CPNE4: variants seen among roughly 807,000 people sequenced by gnomAD.
The protein encoded by CPNE4 is copine 4.
Under a neutral mutation model 67.9 loss-of-function variants are expected in CPNE4, and 25 were observed. The observed-to-expected ratio is 0.37, with a 90% confidence interval of 0.27 to 0.51. The LOEUF is 0.51. Ranked by LOEUF, CPNE4 falls within the 20% of genes least tolerant of loss-of-function variation. The probability of loss-of-function intolerance (pLI) is 0.93; values close to 1 mark genes in which losing one functional copy is unlikely to be tolerated. For missense variants in CPNE4, 464 were observed against 690.8 expected (o/e 0.67, Z 3.68); for synonymous variants, 242 against 244.9 (o/e 0.99, Z 0.11).
At chr3:131,864,296 C>T (rs2086834394) in intron 2 of CPNE4, among the ~76,000 whole-genome samples, 1 of 151,900 alleles carries the variant, frequency 6.6e-6, no homozygotes, top group Non-Finnish European at 1.5e-5. Context: ...TTACCTTAGG[C>T]AGTATGGCCA....
At chr3:131,654,435 TC>T (rs1481835055) in intron 7 of CPNE4, among the ~76,000 whole-genome samples, 1 of 152,124 alleles carries the variant, frequency 6.6e-6, no homozygotes, top group African/African-American at 2.4e-5. Context: ...CGTCTGTTGT[TC>T]CCCTCTTTGT....
At chr3:131,628,237 A>G (rs1310963827) in intron 7 of CPNE4, among the ~76,000 whole-genome samples, 1 of 152,194 alleles carries the variant, frequency 6.6e-6, no homozygotes, top group Non-Finnish European at 1.5e-5. Flanking sequence ...CCATATTCAC[A>G]CTGCTGATGA....
At chr3:131,830,385 T>A (rs1267545105) in intron 2 of CPNE4, among the ~76,000 whole-genome samples, 3 of 152,152 alleles carry the variant, frequency 2.0e-5, no homozygotes, top group Admixed American at 2.0e-4. Context: ...ACAGGGTGAA[T>A]CTTTTAAAAG....
At chr3:131,661,079 A>G (rs1444542193) in intron 7 of CPNE4, among the ~76,000 whole-genome samples, 2 of 152,346 alleles carry the variant, frequency 1.3e-5, no homozygotes, top group South Asian at 2.1e-4. Flanking sequence ...TTTGATTGTT[A>G]TGTGAGCAAG....
intron 2 of CPNE4, among the ~76,000 whole-genome samples, chr3:131,882,244 T>A (rs1250584503): frequency 6.6e-6 from 1 of 152,088 alleles, no homozygotes; most frequent in Non-Finnish European, 1.5e-5. Context: ...ATTTTATATG[T>A]GTCATATTAT....
intron 7 of CPNE4, among the ~76,000 whole-genome samples, chr3:131,637,690 C>T (rs2079429871): frequency 6.6e-6 from 1 of 152,056 alleles, no homozygotes; most frequent in African/African-American, 2.4e-5. Context: ...AAACTCAACA[C>T]CTGGGAAATT....
intron 2 of CPNE4, among the ~76,000 whole-genome samples, chr3:131,851,756 GCTT>G (rs1198364705): frequency 6.6e-6 from 1 of 151,992 alleles, no homozygotes; most frequent in African/African-American, 2.4e-5. Flanking sequence ...TCTATTCCTG[GCTT>G]TCCCTCAATT....
chr3:132,013,627 C>T (rs1471962285), intron 1 of CPNE4, among the ~76,000 whole-genome samples: 4 of 152,350 alleles, frequency 2.6e-5, no homozygotes, highest in African/African-American at 7.2e-5. Context: ...CATATTATTA[C>T]ATCCTTGCCT....
intron 1 of CPNE4, among the ~76,000 whole-genome samples, chr3:131,910,800 TG>T (rs1211947907): frequency 6.6e-6 from 1 of 152,182 alleles, no homozygotes; most frequent in Non-Finnish European, 1.5e-5. Context: ...AGAATATCAT[TG>T]GGTCTATTTT....
intron 1 of CPNE4, among the ~76,000 whole-genome samples, chr3:132,031,282 A>G (rs1405104775): frequency 6.6e-6 from 1 of 152,214 alleles, no homozygotes; most frequent in African/African-American, 2.4e-5. Context: ...TACTGTTGCC[A>G]AGGAAATATG....
intron 7 of CPNE4, among the ~76,000 whole-genome samples, chr3:131,647,436 C>T (rs561732944): frequency 6.6e-6 from 1 of 152,286 alleles, no homozygotes; most frequent in East Asian, 1.9e-4. Flanking sequence ...GGAAGAGAAG[C>T]CTGGTTATCA....
intron 15 of CPNE4, among the ~76,000 whole-genome samples, chr3:131,536,827 A>T (rs1935173596): frequency 6.6e-6 from 1 of 152,244 alleles, no homozygotes. Flanking sequence ...ACTGGGGCAG[A>T]TACAAAAGTC....
At chr3:131,730,866 A>G (rs2082112397) in intron 2 of CPNE4, among the ~76,000 whole-genome samples, 2 of 152,134 alleles carry the variant, frequency 1.3e-5, no homozygotes, top group South Asian at 4.2e-4. Flanking sequence ...TAGCCTCCAG[A>G]ACTGTGAAGG....
At chr3:131,978,476 TTATA>T (rs1211500409) in intron 1 of CPNE4, among the ~76,000 whole-genome samples, 734 of 38,324 alleles carry the variant, frequency 0.019, 113 homozygotes, top group Non-Finnish European at 0.024. Flanking sequence ...ATTTATATAT[TTATA>T]TATATTTATA....
chr3:131,568,929 G>C (rs1307974434), intron 10 of CPNE4, among the ~76,000 whole-genome samples: 2 of 151,896 alleles, frequency 1.3e-5, no homozygotes, highest in Non-Finnish European at 2.9e-5. Context: ...ACATTCTTGG[G>C]GAGCTTTCTT....
chr3:131,980,980 CA>C (rs949561757), intron 1 of CPNE4, among the ~76,000 whole-genome samples: 3 of 152,108 alleles, frequency 2.0e-5, no homozygotes, highest in African/African-American at 7.2e-5. Context: ...TCTAGCCACC[CA>C]GCAAGTCTAC....
chr3:132,022,064 C>A (rs1293700013), intron 1 of CPNE4, among the ~76,000 whole-genome samples: 1 of 152,216 alleles, frequency 6.6e-6, no homozygotes, highest in Non-Finnish European at 1.5e-5. Context: ...TCAACCATTT[C>A]TGCTGAAGAC....
intron 7 of CPNE4, among the ~76,000 whole-genome samples, chr3:131,622,018 C>CAAAAAAAAAAAAAAAAAAA (rs34415771): frequency 2.2e-4 from 13 of 57,988 alleles, no homozygotes; most frequent in Non-Finnish European, 3.1e-4. Flanking sequence ...GACCCTGTCT[C>CAAAAAAAAAAAAAAAAAAA]AAAAAAAAAA....
intron 1 of CPNE4, among the ~76,000 whole-genome samples, chr3:131,918,252 C>A (rs2070632474): frequency 1.3e-5 from 2 of 152,182 alleles, no homozygotes; most frequent in Admixed American, 1.3e-4. Flanking sequence ...CCTCCCCTTA[C>A]ATACCTCAAG....
Sources: allele counts gnomAD v4.1 joint callset (sites outside exome capture counted in the v4.1 genomes callset), GRCh38; gene constraint gnomAD v4.1.1; transcripts MANE v1.5; gene names NCBI Gene and HGNC (gene_info 2026-07-23, HGNC 2026-07-21).